The following LTBP1 variants were observed in gnomAD, a reference collection of about 807,000 sequenced individuals.
The protein encoded by LTBP1 is latent transforming growth factor beta binding protein 1.
In LTBP1, 129 loss-of-function variants were observed where a neutral mutation model predicts 207.6. The ratio of observed to expected loss-of-function variants is 0.62; its 90% CI spans 0.54 to 0.72. The LOEUF is 0.72. Ranked by LOEUF, LTBP1 falls within the 30% of genes least tolerant of loss-of-function variation. LTBP1 has a pLI of 0.00. For missense variants in LTBP1, 2,281 were observed against 2,217.2 expected (o/e 1.03, Z -0.58); for synonymous variants, 963 against 833.7 (o/e 1.16, Z -2.67).
intron 19 of LTBP1, among the ~76,000 whole-genome samples, chr2:33,292,473 G>T (rs1205606309): frequency 6.6e-6 from 1 of 152,166 alleles, no homozygotes; most frequent in Non-Finnish European, 1.5e-5. Context: ...CCATAAAATG[G>T]TTGGCCCATA....
chr2:33,332,517 A>G (rs1406616705), intron 24 of LTBP1, among the ~76,000 whole-genome samples: 1 of 151,696 alleles, frequency 6.6e-6, no homozygotes, highest in African/African-American at 2.4e-5. Flanking sequence ...ATATTTCTTA[A>G]TAGTTTTTAG....
intron 15 of LTBP1, among the ~76,000 whole-genome samples, chr2:33,268,594 C>T (rs1326157193): frequency 6.6e-6 from 1 of 152,202 alleles, no homozygotes; most frequent in South Asian, 2.1e-4. Context: ...ATACCATTTT[C>T]AAGTGAATTA....
chr2:33,329,157 C>T (rs1014854716), intron 24 of LTBP1, among the ~76,000 whole-genome samples: 3 of 152,190 alleles, frequency 2.0e-5, no homozygotes, highest in Non-Finnish European at 2.9e-5. Context: ...CTCAGATCCA[C>T]ATTATCATCA....
In LTBP1 at chr2:33,267,289, T is replaced by A. The variant is rs1399254840; in HGVS notation, c.2617+3897T>A. 5.9e-5 allele frequency among the ~76,000 whole-genome samples: 9 copies of A among 152,314 alleles called. No homozygotes were observed. The East Asian group carries it at 1.7e-3, about 29-fold the overall frequency. ...CCCTTGGCAAGTGTGGGATCTGGGC[T>A]GGCAGCACAGGCCAAGCACAGCCTG... On this transcript the variant is annotated intron_variant, in intron 15 of 33. Transcript: ENST00000404816.
rs753732879 is a variant in LTBP1 at position 33,252,631 on chromosome 2, A to G, written c.2000-46A>G. 7.8e-6 allele frequency: 12 copies of G among 1,537,198 alleles called. No homozygotes were observed. In the African/African-American group the frequency reaches 1.6e-4, roughly 21 times the overall value. On this transcript the variant is annotated intron_variant, in intron 10 of 33. Coordinates refer to ENST00000404816, the MANE Select transcript of LTBP1 (RefSeq NM_206943.4). ...TTACTATCATTTGGAAAGCCAATGT[A>G]GTTTTGGTTTCTCATGTAATGTCGG...
At chr2:32,961,528 G>A (rs965984317) in intron 2 of LTBP1, among the ~76,000 whole-genome samples, 4 of 151,034 alleles carry the variant, frequency 2.6e-5, no homozygotes, top group African/African-American at 7.3e-5. Flanking sequence ...TGGAACATTT[G>A]TATGCTCTTC....
intron 15 of LTBP1, 150 bp downstream of exon 15, chr2:33,263,542 G>C (rs1488580549): frequency 1.8e-6 from 1 of 563,628 alleles, no homozygotes; most frequent in Non-Finnish European, 3.2e-6. Flanking sequence ...CAGTTAAAAA[G>C]GAGGAGTATG....
chr2:33,323,536 C>T (rs2094385781), intron 24 of LTBP1, among the ~76,000 whole-genome samples: 1 of 152,110 alleles, frequency 6.6e-6, no homozygotes, highest in Admixed American at 6.5e-5. Flanking sequence ...ACTTGCGAGG[C>T]TGAGGAAGGA....
intron 33 of LTBP1, 106 bp from the exon 34 acceptor site, chr2:33,398,257 AG>A (rs1226435109): frequency 3.1e-6 from 3 of 963,140 alleles, no homozygotes; most frequent in Non-Finnish European, 3.1e-6. Context: ...ATGACGAGAA[AG>A]CTTCCTTGGG....
At chr2:32,988,254 A>G (rs1198432401) in intron 2 of LTBP1, among the ~76,000 whole-genome samples, 2 of 152,304 alleles carry the variant, frequency 1.3e-5, no homozygotes, top group African/African-American at 4.8e-5. Context: ...TAAATTCTTA[A>G]AACAGCCACA....
chr2:33,067,450 G>T (rs1182944693), intron 3 of LTBP1, among the ~76,000 whole-genome samples: 1 of 152,142 alleles, frequency 6.6e-6, no homozygotes, highest in Non-Finnish European at 1.5e-5. Context: ...TTGCATACCA[G>T]TTGTAGCAGA....
chr2:33,030,074 G>T (rs1449455836), intron 3 of LTBP1, among the ~76,000 whole-genome samples: 1 of 152,102 alleles, frequency 6.6e-6, no homozygotes, highest in Non-Finnish European at 1.5e-5. Flanking sequence ...ACTGCCTTTT[G>T]TTTCTTTGCC....
At chr2:33,357,908 T>C (rs2094883506) in intron 26 of LTBP1, among the ~76,000 whole-genome samples, 2 of 152,288 alleles carry the variant, frequency 1.3e-5, no homozygotes, top group South Asian at 4.2e-4. Flanking sequence ...TAGTTTCCAA[T>C]ATAGAAACCC....
chr2:33,261,691 G>A (rs1045535731), intron 13 of LTBP1, among the ~76,000 whole-genome samples: 1 of 152,178 alleles, frequency 6.6e-6, no homozygotes, highest in South Asian at 2.1e-4. Context: ...AATGAAGTTG[G>A]AATGAGAGCC....
At chr2:33,274,882 TA>T in intron 16 of LTBP1, 82 bp from the exon 17 acceptor site, 1 of 1,367,226 alleles carries the variant, frequency 7.3e-7, no homozygotes, top group South Asian at 1.2e-5. Flanking sequence ...ACCCAGGGAA[TA>T]GTATGATGGT....
chr2:32,993,982 G>A (rs1417872533), intron 2 of LTBP1, among the ~76,000 whole-genome samples: 1 of 151,216 alleles, frequency 6.6e-6, no homozygotes, highest in African/African-American at 2.4e-5. Flanking sequence ...GTGTGTGTGT[G>A]TGTGTGTGTG....
chr2:33,275,216 C>A, intron 17 of LTBP1, 126 bp downstream of exon 17: 2 of 1,117,278 alleles, frequency 1.8e-6, no homozygotes, highest in South Asian at 1.6e-5. Flanking sequence ...ATCATGACAG[C>A]AGTCTGCTAG....
chr2:33,143,900 C>T (rs375282628), intron 5 of LTBP1, among the ~76,000 whole-genome samples: 2 of 151,828 alleles, frequency 1.3e-5, no homozygotes, highest in Non-Finnish European at 2.9e-5. Flanking sequence ...TTGGTAATCT[C>T]ACCTCTCTCA....
At chr2:33,141,205 C>T (rs968291397) in intron 5 of LTBP1, among the ~76,000 whole-genome samples, 3 of 152,162 alleles carry the variant, frequency 2.0e-5, no homozygotes, top group Non-Finnish European at 2.9e-5. Flanking sequence ...AAACCAAATA[C>T]AGTATGAGTC....
Sources: allele counts gnomAD v4.1 joint callset (sites outside exome capture counted in the v4.1 genomes callset), GRCh38; gene constraint gnomAD v4.1.1; transcripts MANE v1.5; gene names NCBI Gene and HGNC (gene_info 2026-07-23, HGNC 2026-07-21).